The following RYR2 variants were observed in gnomAD, a reference collection of about 807,000 sequenced individuals.
RYR2 encodes the protein cardiac muscle ryanodine receptor-calcium release channel.
A neutral mutation model predicts 601.1 loss-of-function variants in RYR2; 227 were observed. That is an observed-to-expected ratio of 0.38 (90% confidence interval 0.34 to 0.42). RYR2 has a LOEUF of 0.42. Ranked by LOEUF, RYR2 falls within the 10% of genes least tolerant of loss-of-function variation. The pLI is 1.00. For synonymous variants in RYR2, 2,223 were observed against 2,175.1 expected (o/e 1.02, Z -0.61); for missense variants, 4,646 against 6,156.5 (o/e 0.75, Z 8.21).
intron 17 of RYR2, among the ~76,000 whole-genome samples, chr1:237,486,253 A>G (rs1558900737): frequency 6.6e-6 from 1 of 152,226 alleles, no homozygotes; most frequent in South Asian, 2.1e-4. Flanking sequence ...TGAAATGTCC[A>G]GAAGATAATT....
intron 1 of RYR2, among the ~76,000 whole-genome samples, chr1:237,182,279 G>A (rs866999104): frequency 1.9e-4 from 29 of 151,980 alleles, no homozygotes; most frequent in African/African-American, 4.6e-4. Flanking sequence ...GCACCACCAC[G>A]CCCAGCTTAT....
intron 24 of RYR2, among the ~76,000 whole-genome samples, chr1:237,522,314 A>T (rs1558963601): frequency 6.6e-6 from 1 of 152,240 alleles, no homozygotes; most frequent in African/African-American, 2.4e-5. Flanking sequence ...TAAAAATCAC[A>T]CAAAGAAATC....
In RYR2 at chr1:237,666,603, A is replaced by G. The variant is rs1187605323; in HGVS notation, c.8514+14A>G. On this transcript the variant is annotated intron_variant, in intron 57 of 104. Transcript: ENST00000366574. ...AGAGACCTGCATGTAAGTACTATTA[A>G]CTTTTAAAAATAGTCTCCAAATTTA... 3 of 1,592,352 alleles carry G rather than the reference A, an allele frequency of 1.9e-6. No individual in the cohort carries two copies. In the East Asian group the frequency reaches 6.7e-5, roughly 36 times the overall value.
At chr1:237,407,855 A>C (rs1704065991) in intron 10 of RYR2, among the ~76,000 whole-genome samples, 2 of 151,974 alleles carry the variant, frequency 1.3e-5, no homozygotes, top group Non-Finnish European at 2.9e-5. Context: ...TGACCTCGTG[A>C]TCCACCTGCC....
At chr1:237,755,142 G>A (rs1285462740) in intron 80 of RYR2, 2 of 1,262,314 alleles carry the variant, frequency 1.6e-6, no homozygotes, top group Non-Finnish European at 2.1e-6. Flanking sequence ...GTCTGTGTTG[G>A]TTGCTTTTGA....
chr1:237,233,845 C>G (rs2149201356), intron 1 of RYR2, among the ~76,000 whole-genome samples: 1 of 151,834 alleles, frequency 6.6e-6, no homozygotes, highest in South Asian at 2.1e-4. Context: ...CACCACCATG[C>G]CTGGCTAATT....
chr1:237,645,592 GC>G (rs1443732633), intron 48 of RYR2, among the ~76,000 whole-genome samples: 1 of 152,142 alleles, frequency 6.6e-6, no homozygotes, highest in African/African-American at 2.4e-5. Flanking sequence ...TTGTAAGAGA[GC>G]CCAGGGGTCC....
chr1:237,300,103 A>G (rs1342223252), intron 2 of RYR2, among the ~76,000 whole-genome samples: 1 of 152,176 alleles, frequency 6.6e-6, no homozygotes, highest in African/African-American at 2.4e-5. Context: ...TTGAATCGGT[A>G]CAAGTCACCT....
In RYR2 at chr1:237,511,852, A is replaced by AC. The variant is rs1665946229; in HGVS notation, c.2822+61_2822+62insC. On this transcript the variant is annotated intron_variant, in intron 24 of 104. Coordinates refer to ENST00000366574, the MANE Select transcript of RYR2 (RefSeq NM_001035.3). ...CTTCCCTGAAAAAAAAAAAAAAAAA[A>AC]AAAAAAACAGGTATTGATGCTATAT... 2.8e-4 allele frequency: 274 copies of AC among 971,790 alleles called. 1 individual carries two copies. The highest frequency in any genetic ancestry group is 3.5e-4 in the Non-Finnish European group (237 of 683,908). 60.2% of individuals were successfully genotyped at this position (971,790 alleles called of 1,614,324 possible).
chr1:237,454,693 G>A, intron 15 of RYR2, 119 bp downstream of exon 15: 2 of 888,542 alleles, frequency 2.3e-6, no homozygotes, highest in Non-Finnish European at 3.5e-6. Context: ...AGAGGAGAAA[G>A]TATACTACTG....
chr1:237,565,185 TTC>T (rs1475126996), intron 27 of RYR2, among the ~76,000 whole-genome samples: 2 of 79,776 alleles, frequency 2.5e-5, no homozygotes, highest in African/African-American at 8.3e-5. Context: ...CTTTCTTTCT[TTC>T]TTTCTTTCTT....
intron 25 of RYR2, among the ~76,000 whole-genome samples, chr1:237,535,707 G>A (rs1668549419): frequency 6.6e-6 from 1 of 152,134 alleles, no homozygotes; most frequent in Non-Finnish European, 1.5e-5. Context: ...GAACATACTG[G>A]CAAACAACTC....
chr1:237,506,732 A>G lies in RYR2; in HGVS notation c.2636A>G (p.Glu879Gly). ...TAGATCGTGTTGCCTCCTCATCTAG[A>G]AAGAATAAGAGAAAAACTGGCAGAG... Reference protein sequence around the residue: ...TSQIVLPPHLERIREKLAENI... With the variant: ...TSQIVLPPHLGRIREKLAENI... The change falls in exon 23 of 105, where the codon GAA (glutamate) becomes GGA (glycine). Residue 879 changes from glutamate (E) to glycine (G), a missense_variant. Around this residue, in one of 17 missense-constraint regions of RYR2, gnomAD observed 1,807 missense variants for 2,088.1 expected, o/e 0.87. Coordinates refer to ENST00000366574, the MANE Select transcript of RYR2 (RefSeq NM_001035.3). 6.2e-7 allele frequency: 1 copy of G among 1,613,038 alleles called. No homozygotes were observed. Among genetic ancestry groups the G allele is most frequent in the South Asian group, 1.1e-5 (1 of 90,694 alleles).
chr1:237,659,459 G>C (rs531906955), intron 54 of RYR2, among the ~76,000 whole-genome samples: 58 of 152,266 alleles, frequency 3.8e-4, no homozygotes, highest in South Asian at 8.3e-4. Context: ...AATGTGTTGA[G>C]AGAAAATTTG....
At chr1:237,691,908 G>C (rs1686977118) in intron 63 of RYR2, among the ~76,000 whole-genome samples, 1 of 152,180 alleles carries the variant, frequency 6.6e-6, no homozygotes. Flanking sequence ...CCATTTTCAA[G>C]GACCAGTGTT....
At chr1:237,218,047 A>T (rs1204062083) in intron 1 of RYR2, among the ~76,000 whole-genome samples, 1 of 152,200 alleles carries the variant, frequency 6.6e-6, no homozygotes, top group Non-Finnish European at 1.5e-5. Flanking sequence ...GCTATTTAAA[A>T]GTCAGTTGGA....
chr1:237,250,366 G>A (rs1687324097), intron 1 of RYR2, among the ~76,000 whole-genome samples: 1 of 152,140 alleles, frequency 6.6e-6, no homozygotes, highest in African/African-American at 2.4e-5. Context: ...TGTCCAACTT[G>A]TTCACATGCT....
intron 40 of RYR2, 86 bp from the exon 41 acceptor site, chr1:237,627,720 TG>T (rs974205890): frequency 2.2e-6 from 3 of 1,336,250 alleles, no homozygotes; most frequent in African/African-American, 3.0e-5. Flanking sequence ...AATACCAATT[TG>T]GGGGTACAGG....
chr1:237,609,616 C>T (rs529180927), intron 35 of RYR2, among the ~76,000 whole-genome samples: 16 of 152,122 alleles, frequency 1.1e-4, no homozygotes, highest in Non-Finnish European at 1.6e-4. Context: ...CCACCTGCCT[C>T]GGCCTCCCAA....
Sources: allele counts gnomAD v4.1 joint callset (sites outside exome capture counted in the v4.1 genomes callset), GRCh38; gene constraint gnomAD v4.1.1; regional missense constraint gnomAD v4.1.1; transcripts MANE v1.5; gene names NCBI Gene and HGNC (gene_info 2026-07-23, HGNC 2026-07-21).